The following TRAPPC9 variants were observed in gnomAD, a reference collection of about 807,000 sequenced individuals.
TRAPPC9 encodes trafficking protein particle complex subunit 9.
In TRAPPC9, 83 loss-of-function variants were observed where a neutral mutation model predicts 124.0. The ratio of observed to expected loss-of-function variants is 0.67; its 90% CI spans 0.56 to 0.80. The LOEUF is 0.80. TRAPPC9 is among the 30% of genes least tolerant of loss of function. TRAPPC9 has a pLI of 0.00. For missense variants in TRAPPC9, 1,302 were observed against 1,508.3 expected (o/e 0.86, Z 2.27); for synonymous variants, 638 against 617.5 (o/e 1.03, Z -0.49).
intron 21 of TRAPPC9, among the ~76,000 whole-genome samples, chr8:139,873,370 T>C (rs1480169916): frequency 1.3e-5 from 2 of 152,168 alleles, no homozygotes; most frequent in Non-Finnish European, 2.9e-5. Flanking sequence ...CACTCACAAG[T>C]GCATCAGCTG....
At chr8:140,371,430 C>T (rs2068279617) in intron 7 of TRAPPC9, among the ~76,000 whole-genome samples, 1 of 152,186 alleles carries the variant, frequency 6.6e-6, no homozygotes, top group Non-Finnish European at 1.5e-5. Flanking sequence ...AAGGTACCTG[C>T]TACAAATCTG....
At chr8:139,957,255 G>GCGTAC (rs1208599660) in intron 19 of TRAPPC9, among the ~76,000 whole-genome samples, 4 of 152,228 alleles carry the variant, frequency 2.6e-5, no homozygotes, top group Non-Finnish European at 5.9e-5. Context: ...AGGGAGGGCC[G>GCGTAC]CGTACCTGCC....
intron 17 of TRAPPC9, among the ~76,000 whole-genome samples, chr8:140,085,216 AC>A (rs1340505716): frequency 6.6e-6 from 1 of 151,968 alleles, no homozygotes; most frequent in African/African-American, 2.4e-5. Flanking sequence ...AGTGACGTGG[AC>A]TATGTGATGA....
intron 17 of TRAPPC9, among the ~76,000 whole-genome samples, chr8:140,121,810 C>T (rs901635065): frequency 6.6e-6 from 1 of 152,122 alleles, no homozygotes; most frequent in African/African-American, 2.4e-5. Context: ...ACAGCAGAGT[C>T]GTGTGTCTGT....
At chr8:140,139,947 T>TAATTA (rs2061358824) in intron 17 of TRAPPC9, among the ~76,000 whole-genome samples, 2 of 152,212 alleles carry the variant, frequency 1.3e-5, no homozygotes, top group Non-Finnish European at 2.9e-5. Context: ...TTTAATTCAA[T>TAATTA]AAAAAGTTCA....
intron 15 of TRAPPC9, among the ~76,000 whole-genome samples, chr8:140,261,436 G>A (rs2064407260): frequency 6.6e-6 from 1 of 152,156 alleles, no homozygotes; most frequent in South Asian, 2.1e-4. Context: ...GAGAGATCAG[G>A]CTTCTCTCTA....
chr8:140,284,152 G>A (rs943227690), intron 13 of TRAPPC9, 131 bp from the exon 14 acceptor site: 44 of 1,212,126 alleles, frequency 3.6e-5, no homozygotes, highest in Admixed American at 1.0e-4. Context: ...GGGGCCCGCC[G>A]GCGCTCACCC....
rs1384938110 is a variant in TRAPPC9, at chr8:140,283,407, G to T, written c.2114+482C>A. Among the ~76,000 whole-genome samples, 4 of 141,622 alleles carry T rather than the reference G, an allele frequency of 2.8e-5. No homozygotes were observed. The South Asian group carries it at 6.6e-4, about 23-fold the overall frequency. 92.9% of individuals were successfully genotyped at this position (141,622 alleles called of 152,430 possible). A position where few individuals can be genotyped will look rare whatever the true frequency, so the allele number is the denominator to read the frequency against. ...CCTCCTGGGTTCACGCCATTCTCCT[G>T]CCTCAGTCTCCTGAGTAGCTGTGAC... is the stretch of plus-strand genomic sequence containing the variant. On this transcript the variant is annotated intron_variant, in intron 14 of 22. Coordinates refer to ENST00000438773, the MANE Select transcript of TRAPPC9 (RefSeq NM_001160372.4).
chr8:140,086,084 T>A (rs1844165908), intron 17 of TRAPPC9, among the ~76,000 whole-genome samples: 1 of 152,144 alleles, frequency 6.6e-6, no homozygotes, highest in African/African-American at 2.4e-5. Flanking sequence ...ACCTAGCAGG[T>A]TACCAGATCC....
At chr8:140,129,110 C>A (rs759510110) in intron 17 of TRAPPC9, among the ~76,000 whole-genome samples, 2 of 151,834 alleles carry the variant, frequency 1.3e-5, no homozygotes, top group African/African-American at 2.4e-5. Flanking sequence ...TCTTTCTAAG[C>A]GTCCAGTCAC....
intron 21 of TRAPPC9, among the ~76,000 whole-genome samples, chr8:139,856,136 T>A (rs1299813563): frequency 6.6e-6 from 1 of 152,150 alleles, no homozygotes; most frequent in Non-Finnish European, 1.5e-5. Context: ...ACTGAGCCAG[T>A]GCACTGAGTT....
At chr8:140,349,474 G>A (rs2067475608) in intron 9 of TRAPPC9, among the ~76,000 whole-genome samples, 1 of 152,082 alleles carries the variant, frequency 6.6e-6, no homozygotes, top group South Asian at 2.1e-4. Context: ...GCCGAAGGGG[G>A]CGCGCGAGGG....
chr8:140,248,920 C>T (rs951574476), intron 16 of TRAPPC9, among the ~76,000 whole-genome samples: 1 of 152,176 alleles, frequency 6.6e-6, no homozygotes, highest in Non-Finnish European at 1.5e-5. Context: ...CCAAACAGTG[C>T]TCTACAAAAT....
chr8:140,229,211 C>G (rs1197154006), intron 16 of TRAPPC9, among the ~76,000 whole-genome samples: 1 of 148,346 alleles, frequency 6.7e-6, no homozygotes, highest in Non-Finnish European at 1.5e-5. Flanking sequence ...GCAGATACAT[C>G]GAACATTGTG....
intron 17 of TRAPPC9, among the ~76,000 whole-genome samples, chr8:140,166,869 T>C (rs1239225137): frequency 6.6e-6 from 1 of 152,230 alleles, no homozygotes; most frequent in Non-Finnish European, 1.5e-5. Flanking sequence ...AGGCCTGACA[T>C]GTTGCCCCAC....
At chr8:140,366,800 T>G (rs777193401) in intron 8 of TRAPPC9, among the ~76,000 whole-genome samples, 2 of 152,006 alleles carry the variant, frequency 1.3e-5, no homozygotes, top group Admixed American at 6.6e-5. Flanking sequence ...AGACACAGAC[T>G]GGGAAGAAAT....
chr8:140,430,596 A>T (rs2070605217), intron 4 of TRAPPC9, among the ~76,000 whole-genome samples: 1 of 152,198 alleles, frequency 6.6e-6, no homozygotes, highest in African/African-American at 2.4e-5. Context: ...CAGTAGTAGG[A>T]TGCCCATTTT....
Position 139,962,570 on chromosome 8 carries a change from G to A in TRAPPC9, c.2810+26156C>T, listed in dbSNP as rs1262830430. On this transcript the variant is annotated intron_variant, in intron 19 of 22. Coordinates refer to ENST00000438773, the MANE Select transcript of TRAPPC9 (RefSeq NM_001160372.4). ...ATCCATGTTGCCAGAATAAACTTGG[G>A]GTGAGCCTGAAGTTGGACCTTGACA... Among the ~76,000 whole-genome samples the A allele has an allele frequency of 2.4e-5, 3 of 123,994 alleles. 1 individual carries two copies. Among genetic ancestry groups the A allele is most frequent in the Non-Finnish European group, 5.8e-5 (3 of 52,158 alleles). 81.3% of individuals were successfully genotyped at this position (123,994 alleles called of 152,430 possible).
chr8:139,933,123 T>G (rs149053487), intron 19 of TRAPPC9: 1 of 154,570 alleles, frequency 6.5e-6, no homozygotes, highest in Non-Finnish European at 1.4e-5. Flanking sequence ...TTTTGCATGA[T>G]TCTTTGTGAC....
Sources: allele counts gnomAD v4.1 joint callset (sites outside exome capture counted in the v4.1 genomes callset), GRCh38; gene constraint gnomAD v4.1.1; transcripts MANE v1.5; gene names NCBI Gene and HGNC (gene_info 2026-07-23, HGNC 2026-07-21).